EFCAB13: variants seen among roughly 807,000 people sequenced by gnomAD.
EFCAB13 encodes EF-hand calcium binding domain 13.
A neutral mutation model predicts 110.2 loss-of-function variants in EFCAB13; 91 were observed. The observed-to-expected ratio is 0.83, with a 90% CI of 0.70 to 0.98. The LOEUF (loss-of-function observed/expected upper bound fraction) is 0.98, where lower values mean the gene tolerates loss of function less well. EFCAB13 is among the 50% of genes least tolerant of loss of function. EFCAB13 has a pLI of 0.00. For missense variants in EFCAB13, 968 were observed against 1,119.4 expected, an observed-to-expected ratio of 0.86 and a Z score of 1.93; for synonymous variants, 323 against 369.9, an observed-to-expected ratio of 0.87 and a Z score of 1.45.
At chr17:47,331,771 A>G (rs535684745) in intron 4 of EFCAB13, among the ~76,000 whole-genome samples, 1 of 152,186 alleles carries the variant, frequency 6.6e-6, no homozygotes, top group East Asian at 1.9e-4. Context: ...CTGATTTTTT[A>G]CTGTCTCCAT....
At chr17:47,386,863 T>C (rs2065679301) in intron 14 of EFCAB13, among the ~76,000 whole-genome samples, 2 of 152,118 alleles carry the variant, frequency 1.3e-5, no homozygotes, top group Admixed American at 1.3e-4. Context: ...TTCCCTTGGC[T>C]GGGGGAGGGA....
At chr17:47,349,759 C>CTTTTTTTTT (rs1162133822) in intron 9 of EFCAB13, among the ~76,000 whole-genome samples, 1 of 76,142 alleles carries the variant, frequency 1.3e-5, no homozygotes, top group African/African-American at 5.6e-5. Flanking sequence ...GCTGATGTTT[C>CTTTTTTTTT]TTTTTTTTTT....
chr17:47,414,444 C>T (rs989108142), intron 22 of EFCAB13, among the ~76,000 whole-genome samples: 5 of 149,942 alleles, frequency 3.3e-5, no homozygotes, highest in East Asian at 2.0e-4. Flanking sequence ...ACCTGGGAGG[C>T]GGAGCTTGCA....
intron 14 of EFCAB13, among the ~76,000 whole-genome samples, chr17:47,380,580 C>CT (rs1336093533): frequency 1.3e-5 from 2 of 152,126 alleles, no homozygotes; most frequent in Non-Finnish European, 2.9e-5. Flanking sequence ...ATTTATAATC[C>CT]TTTGGGTATA....
At chr17:47,378,116 G>A (rs937084939) in intron 13 of EFCAB13, among the ~76,000 whole-genome samples, 4 of 152,188 alleles carry the variant, frequency 2.6e-5, no homozygotes, top group Admixed American at 2.6e-4. Flanking sequence ...CGTATTTCCA[G>A]ATCATTTCAG....
At chr17:47,372,121 G>A (rs1440234062) in intron 11 of EFCAB13, among the ~76,000 whole-genome samples, 1 of 152,014 alleles carries the variant, frequency 6.6e-6, no homozygotes, top group Non-Finnish European at 1.5e-5. Flanking sequence ...TTTTACTACT[G>A]CCATTTTGTT....
chr17:47,411,890 G>A (rs892071122), intron 21 of EFCAB13, among the ~76,000 whole-genome samples: 5 of 152,136 alleles, frequency 3.3e-5, no homozygotes, highest in African/African-American at 7.2e-5. Context: ...TCAGGAGTTC[G>A]AGACCAGTCT....
chr17:47,391,634 ATTTGTTATT>A, intron 15 of EFCAB13, 54 bp downstream of exon 15: 1 of 1,459,858 alleles, frequency 6.8e-7, no homozygotes, highest in Non-Finnish European at 9.1e-7. Flanking sequence ...AGGAGGGTCA[ATTTGTTATT>A]TTTTTCTTAG....
chr17:47,378,236 G>T (rs2065627239), intron 13 of EFCAB13, among the ~76,000 whole-genome samples: 1 of 151,974 alleles, frequency 6.6e-6, no homozygotes, highest in African/African-American at 2.4e-5. Flanking sequence ...ATATCTAAGG[G>T]GTATGGATAT....
At chr17:47,428,231 C>T (rs1257748240) in intron 23 of EFCAB13, among the ~76,000 whole-genome samples, 4 of 151,970 alleles carry the variant, frequency 2.6e-5, no homozygotes, top group Admixed American at 6.6e-5. Flanking sequence ...GATTGTTTCT[C>T]CCCTACACCC....
chr17:47,380,444 T>C (rs1203700029), intron 14 of EFCAB13, among the ~76,000 whole-genome samples: 2 of 152,218 alleles, frequency 1.3e-5, no homozygotes, highest in African/African-American at 2.4e-5. Flanking sequence ...TAGTCCATGG[T>C]GTATATGTGC....
intron 9 of EFCAB13, among the ~76,000 whole-genome samples, chr17:47,352,618 A>T (rs1208889329): frequency 6.6e-6 from 1 of 152,168 alleles, no homozygotes. Flanking sequence ...TATTTCTGTG[A>T]AAAATGACAT....
intron 9 of EFCAB13, among the ~76,000 whole-genome samples, chr17:47,349,836 G>A (rs976698965): frequency 1.4e-5 from 2 of 138,392 alleles, no homozygotes; most frequent in African/African-American, 2.7e-5. Flanking sequence ...CTGCAGTGGC[G>A]CAATCTCGGC....
chr17:47,370,251 C>G (rs1386812387), intron 10 of EFCAB13, among the ~76,000 whole-genome samples, 186 bp from the exon 11 acceptor site: 1 of 152,168 alleles, frequency 6.6e-6, no homozygotes, highest in Admixed American at 6.5e-5. Context: ...AGACCATGGT[C>G]TTACTCTTAT....
chr17:47,328,068 A>T (rs1156775566), intron 3 of EFCAB13: 1 of 468,676 alleles, frequency 2.1e-6, no homozygotes, highest in Non-Finnish European at 3.8e-6. Context: ...ACAAAAGGTA[A>T]AGTTAAGGAA....
rs571232480 is a variant in EFCAB13 at position 47,375,830 on chromosome 17, G to C, written c.1372+864G>C. Among the ~76,000 whole-genome samples the C allele has an allele frequency of 1.8e-4, 27 of 152,192 alleles. 1 individual carries two copies. The highest frequency in any genetic ancestry group is 1.8e-3 in the Admixed American group (27 of 15,286). Reference sequence around the variant, plus strand: ...GAAATCTGTGTGAAATTTTTGCTTAGAGTGCTGTAATTTAAATATATAATA... The same window carrying C: ...GAAATCTGTGTGAAATTTTTGCTTACAGTGCTGTAATTTAAATATATAATA... On this transcript the variant is annotated intron_variant, in intron 12 of 24. Transcript: ENST00000331493.
chr17:47,359,591 C>T (rs1343539084), intron 9 of EFCAB13, among the ~76,000 whole-genome samples: 11 of 140,346 alleles, frequency 7.8e-5, no homozygotes, highest in South Asian at 7.0e-4. Flanking sequence ...CAGTTGGACA[C>T]GGCTTTCAAT....
intron 24 of EFCAB13, among the ~76,000 whole-genome samples, chr17:47,436,378 A>G (rs1448543920): frequency 6.6e-6 from 1 of 152,108 alleles, no homozygotes; most frequent in Non-Finnish European, 1.5e-5. Context: ...GTCTAGTAGA[A>G]TTCTGCTGTG....
intron 22 of EFCAB13, among the ~76,000 whole-genome samples, chr17:47,413,136 A>G (rs1024064609): frequency 6.6e-6 from 1 of 152,184 alleles, no homozygotes; most frequent in African/African-American, 2.4e-5. Flanking sequence ...TTTAATTACC[A>G]TTCATTACTT....
Sources: allele counts gnomAD v4.1 joint callset (sites outside exome capture counted in the v4.1 genomes callset), GRCh38; gene constraint gnomAD v4.1.1; transcripts MANE v1.5; gene names NCBI Gene and HGNC (gene_info 2026-07-23, HGNC 2026-07-21).